SOX6: variants seen among roughly 807,000 people sequenced by gnomAD.
SOX6 encodes transcription factor SOX-6.
Under a neutral mutation model 97.8 loss-of-function variants are expected in SOX6, and 11 were observed. The observed-to-expected ratio is 0.11, with a 90% CI of 0.07 to 0.19. The LOEUF (loss-of-function observed/expected upper bound fraction) is 0.19. SOX6 is among the 10% of genes least tolerant of loss of function. The pLI is 1.00. For missense variants in SOX6, 810 were observed against 1,039.5 expected (o/e 0.78, Z 3.04); for synonymous variants, 360 against 371.4 (o/e 0.97, Z 0.35).
At chr11:16,447,489 CTG>C (rs1179618592) in intron 1 of SOX6, among the ~76,000 whole-genome samples, 5 of 151,932 alleles carry the variant, frequency 3.3e-5, no homozygotes, top group African/African-American at 1.2e-4. Context: ...CTCTCTCTCT[CTG>C]TTGTATTCAC....
intron 13 of SOX6, among the ~76,000 whole-genome samples, chr11:15,997,191 A>G (rs10832544): frequency 0.42 from 63,875 of 152,016 alleles, 13,828 homozygotes; most frequent in East Asian, 0.62. Flanking sequence ...AGAATAAATA[A>G]AAAATCTGAA....
Position 16,464,682 on chromosome 11 carries a change from G to A in SOX6, c.-5+11633C>T, listed in dbSNP as rs927009688. 2.0e-5 allele frequency among the ~76,000 whole-genome samples: 3 copies of A among 152,202 alleles called. No individual in the cohort carries two copies. In the East Asian group the frequency reaches 5.8e-4, roughly 29 times the overall value. On this transcript the variant is annotated intron_variant, in intron 1 of 15. Coordinates refer to the SOX6 transcript ENST00000396356. ...CTTCTTGGTCATAGTTACAATGAAT[G>A]AGAACTTTCTAAAGGTCTCCAATAT...
intron 6 of SOX6, among the ~76,000 whole-genome samples, chr11:16,138,281 TG>T (rs1850027497): frequency 1.3e-5 from 2 of 152,216 alleles, no homozygotes; most frequent in South Asian, 4.1e-4. Context: ...GGCATCATTT[TG>T]CCCCTTTACA....
intron 6 of SOX6, among the ~76,000 whole-genome samples, chr11:16,132,025 T>C (rs1222746537): frequency 1.3e-5 from 2 of 151,960 alleles, no homozygotes; most frequent in East Asian, 1.9e-4. Flanking sequence ...TTATTGTGTG[T>C]CATTTATATA....
At chr11:16,553,695 C>G (rs563438272) in intron 4 of SOX6, among the ~76,000 whole-genome samples, 1 of 152,072 alleles carries the variant, frequency 6.6e-6, no homozygotes, top group African/African-American at 2.4e-5. Flanking sequence ...GATACTAGGA[C>G]CATCTAACAT....
At chr11:16,063,573 A>G (rs1214726607) in intron 9 of SOX6, among the ~76,000 whole-genome samples, 4 of 113,352 alleles carry the variant, frequency 3.5e-5, no homozygotes, top group Admixed American at 1.1e-4. Context: ...CTATGATACA[A>G]TCATTTAGGA....
intron 9 of SOX6, among the ~76,000 whole-genome samples, chr11:16,059,307 C>A (rs1225675494): frequency 6.6e-6 from 1 of 152,032 alleles, no homozygotes; most frequent in Non-Finnish European, 1.5e-5. Context: ...TTGAAAACTT[C>A]ATTCAAATAT....
rs1359668701 is a variant in SOX6, at chr11:16,279,833, A to G, written c.445+38613T>C. On this transcript the variant is annotated intron_variant, in intron 3 of 15. Transcript: ENST00000683767. ...AAAAGTGCCAGCTTAGTTAATACAT[A>G]TTTTATGCATTATAGCTTGATTACT... is the stretch of plus-strand genomic sequence containing the variant. 2.0e-5 allele frequency among the ~76,000 whole-genome samples: 3 copies of G among 152,086 alleles called. No homozygotes were observed. In the South Asian group the frequency reaches 6.2e-4, roughly 32 times the overall value.
intron 4 of SOX6, among the ~76,000 whole-genome samples, chr11:16,529,264 T>A (rs972791206): frequency 6.6e-6 from 1 of 152,074 alleles, no homozygotes; most frequent in African/African-American, 2.4e-5. Flanking sequence ...AGAAGCACCA[T>A]AGGATATTAG....
intron 3 of SOX6, among the ~76,000 whole-genome samples, chr11:16,635,092 T>C (rs771817910): frequency 6.6e-6 from 1 of 152,174 alleles, no homozygotes; most frequent in Non-Finnish European, 1.5e-5. Context: ...TATGTCCTTA[T>C]AGCACCGTGA....
chr11:16,144,480 G>A (rs1418818308), intron 6 of SOX6, among the ~76,000 whole-genome samples: 1 of 151,958 alleles, frequency 6.6e-6, no homozygotes, highest in Non-Finnish European at 1.5e-5. Flanking sequence ...GCTAGCAGAA[G>A]GCAAGAAATA....
intron 3 of SOX6, among the ~76,000 whole-genome samples, chr11:16,297,197 C>A (rs1223832073): frequency 6.6e-6 from 1 of 152,016 alleles, no homozygotes; most frequent in East Asian, 1.9e-4. Flanking sequence ...ATTTGTCACA[C>A]AGTTGTGATA....
Position 16,583,575 on chromosome 11 carries a change from T to TTGTGTATATATATA in SOX6, n.609+28492_609+28505dup, listed in dbSNP as rs1469985035. On this transcript the variant is annotated intron_variant and non_coding_transcript_variant, in intron 4 of 5. Transcript: ENST00000524520. Reference sequence around the variant, plus strand: ...TTTTTTATGGATGAATAATATTTCATTGTGTATATATATATATGTATATAT... The same window carrying TTGTGTATATATATA: ...TTTTTTATGGATGAATAATATTTCATTGTGTATATATATATGTGTATATATATATATGTATATAT... Among the ~76,000 whole-genome samples, 28 of 67,388 alleles carry TTGTGTATATATATA rather than the reference T, an allele frequency of 4.2e-4. 1 individual carries two copies. The highest frequency in any genetic ancestry group is 7.1e-4 in the Non-Finnish European group (22 of 31,090). The allele number at this position is 67,388 out of a possible 152,430, so 44.2% of individuals were successfully genotyped here.
At chr11:16,641,355 C>T (rs993862838) in intron 3 of SOX6, among the ~76,000 whole-genome samples, 11 of 152,050 alleles carry the variant, frequency 7.2e-5, no homozygotes, top group African/African-American at 1.4e-4. Flanking sequence ...GGAATAAGTG[C>T]GGTGTGGTGC....
intron 4 of SOX6, among the ~76,000 whole-genome samples, chr11:16,590,632 C>T (rs1461149547): frequency 1.3e-5 from 2 of 151,980 alleles, no homozygotes; most frequent in Non-Finnish European, 2.9e-5. Context: ...GAATGAGATC[C>T]TGTCATTTGC....
chr11:16,122,920 G>C (rs573441146), intron 6 of SOX6, among the ~76,000 whole-genome samples: 1 of 152,182 alleles, frequency 6.6e-6, no homozygotes, highest in East Asian at 1.9e-4. Context: ...GGAGGCAATA[G>C]TACAAATCTA....
At chr11:15,983,668 T>A (rs1490897405) in intron 15 of SOX6, among the ~76,000 whole-genome samples, 1 of 152,002 alleles carries the variant, frequency 6.6e-6, no homozygotes, top group Non-Finnish European at 1.5e-5. Context: ...TAAGCAGAAA[T>A]AACACCTGGC....
intron 4 of SOX6, among the ~76,000 whole-genome samples, chr11:16,539,017 A>T (rs1861358467): frequency 6.6e-6 from 1 of 152,224 alleles, no homozygotes; most frequent in South Asian, 2.1e-4. Flanking sequence ...TCAACAGAAC[A>T]TACATTCTTC....
At chr11:16,046,787 G>A (rs1855846998) in intron 11 of SOX6, 86 bp from the exon 12 acceptor site, 2 of 1,344,254 alleles carry the variant, frequency 1.5e-6, no homozygotes, top group African/African-American at 1.4e-5. Context: ...GTAGAAAGCT[G>A]CATTCTCTGA....
Sources: gnomAD v4.1 joint callset for allele counts (sites outside exome capture counted in the v4.1 genomes callset) on GRCh38, gnomAD v4.1.1 for gene constraint, MANE v1.5 for transcripts, NCBI Gene and HGNC (gene_info 2026-07-23, HGNC 2026-07-21) for gene names.